STK35: variants seen among roughly 807,000 people sequenced by gnomAD.
The protein encoded by STK35 is serine/threonine-protein kinase 35.
STK35 carries 17 observed loss-of-function variants against 37.3 expected under a neutral mutation model. The ratio of observed to expected loss-of-function variants is 0.46; its 90% CI spans 0.31 to 0.68. The LOEUF is 0.68. Ranked by LOEUF, STK35 falls within the 30% of genes least tolerant of loss-of-function variation. The pLI is 0.05. For synonymous variants in STK35, 385 were observed against 319.1 expected (o/e 1.21, Z -2.20); for missense variants, 595 against 746.7 (o/e 0.80, Z 2.37).
intron 3 of STK35, among the ~76,000 whole-genome samples, chr20:2,142,996 C>G (rs1986196352): frequency 1.3e-5 from 2 of 152,182 alleles, no homozygotes; most frequent in Non-Finnish European, 2.9e-5. Flanking sequence ...AAATAATAGC[C>G]AACACTAATA....
intron 3 of STK35, among the ~76,000 whole-genome samples, chr20:2,118,507 G>A (rs557160842): frequency 5.9e-5 from 9 of 152,208 alleles, no homozygotes; most frequent in South Asian, 2.1e-4. Flanking sequence ...GTGTGAACCC[G>A]GGAGGCGGAG....
At chr20:2,105,592 G>A (rs1985499084) in intron 2 of STK35, among the ~76,000 whole-genome samples, 1 of 152,146 alleles carries the variant, frequency 6.6e-6, no homozygotes, top group Non-Finnish European at 1.5e-5. Context: ...AACCCTGTGA[G>A]GAGCATTCCT....
At position 2,144,688 on chromosome 20, in the gene STK35, CCTAA is replaced by C. The variant is rs1310563762; in HGVS notation, c.*945_*948del. 6.5e-6 allele frequency: 1 copy of C among 153,010 alleles called. No individual in the cohort carries two copies. The highest frequency in any genetic ancestry group is 1.5e-5 in the Non-Finnish European group (1 of 68,108). 9.5% of individuals were successfully genotyped at this position (153,010 alleles called of 1,614,324 possible). On this transcript the variant is annotated 3_prime_UTR_variant, in exon 4 of 4. Coordinates refer to ENST00000381482, the MANE Select transcript of STK35 (RefSeq NM_080836.4). ...ACTGCCGTGAGGTCAGCGCTTCTCACCTAACTGCCTCCTGGATTGTCATCTTCCC... is the reference window on the plus strand; with the variant it reads ...ACTGCCGTGAGGTCAGCGCTTCTCACCTGCCTCCTGGATTGTCATCTTCCC...
At chr20:2,115,239 A>G (rs886107375) in intron 2 of STK35, among the ~76,000 whole-genome samples, 4 of 152,198 alleles carry the variant, frequency 2.6e-5, no homozygotes, top group African/African-American at 7.2e-5. Flanking sequence ...CTCTCAGACC[A>G]TTGGCTTTAG....
chr20:2,128,167 C>G (rs1030752371), intron 3 of STK35, among the ~76,000 whole-genome samples: 6 of 152,192 alleles, frequency 3.9e-5, no homozygotes, highest in African/African-American at 1.4e-4. Context: ...ATTGTATCAG[C>G]TCTCCAGGTG....
chr20:2,101,881 G>T lies in STK35; in HGVS notation c.-1G>T, dbSNP rs1450037145. ...GGCTCACTCGGCTGGCGTCCCGGGG[G>T]ATGGGCCACCAGGAGTCTCCGCTGG... On this transcript the variant is annotated 5_prime_UTR_variant, in exon 1 of 4. Coordinates refer to ENST00000381482, the MANE Select transcript of STK35 (RefSeq NM_080836.4). 3 of 1,420,044 alleles carry T rather than the reference G, an allele frequency of 2.1e-6. No individual in the cohort carries two copies. The highest frequency in any genetic ancestry group is 1.4e-5 in the South Asian group (1 of 70,214). The allele number at this position is 1,420,044 out of a possible 1,614,324, so 88.0% of individuals were successfully genotyped here.
At chr20:2,118,576 C>T (rs759436666) in intron 3 of STK35, among the ~76,000 whole-genome samples, 4 of 138,046 alleles carry the variant, frequency 2.9e-5, no homozygotes, top group South Asian at 2.8e-4. Context: ...AGCGAGACTC[C>T]GTCTCAAAAA....
At chr20:2,102,717 C>G (rs993892256) in intron 1 of STK35, 51 bp from the exon 2 acceptor site, 18 of 1,356,782 alleles carry the variant, frequency 1.3e-5, no homozygotes, top group Non-Finnish European at 1.4e-5. Context: ...GGCCTACGCT[C>G]CTGGCCTCCC....
At chr20:2,122,268 G>A (rs566772752) in intron 3 of STK35, among the ~76,000 whole-genome samples, 4 of 152,234 alleles carry the variant, frequency 2.6e-5, no homozygotes, top group African/African-American at 7.2e-5. Context: ...GGAGGCAGAG[G>A]TTGCAGTGAG....
chr20:2,126,308 T>G (rs73577273), intron 3 of STK35, among the ~76,000 whole-genome samples: 1,621 of 152,268 alleles, frequency 0.011, 25 homozygotes, highest in African/African-American at 0.035. Context: ...AGATGAGATA[T>G]GGACACTTGG....
At position 2,143,993 on chromosome 20, in the gene STK35, A is replaced by G; in HGVS notation, c.*247A>G. The G allele has an allele frequency of 5.0e-6, 2 of 401,212 alleles. No individual in the cohort carries two copies. Among genetic ancestry groups the G allele is most frequent in the South Asian group, 1.8e-5 (1 of 54,638 alleles). 24.9% of individuals were successfully genotyped at this position (401,212 alleles called of 1,614,324 possible). A position where few individuals can be genotyped will look rare whatever the true frequency, so the allele number is the denominator to read the frequency against. Reference sequence around the variant, plus strand: ...TTTCCTCTTTCCTTTTTTTAAATTTAAACCATTGAGACTTCAGAAGAGCAG... The same window carrying G: ...TTTCCTCTTTCCTTTTTTTAAATTTGAACCATTGAGACTTCAGAAGAGCAG... On this transcript the variant is annotated 3_prime_UTR_variant, in exon 4 of 4. Transcript: ENST00000381482.
At chr20:2,132,291 G>A (rs1986013892) in intron 3 of STK35, among the ~76,000 whole-genome samples, 1 of 152,264 alleles carries the variant, frequency 6.6e-6, no homozygotes, top group Admixed American at 6.5e-5. Context: ...TGATGGCAAA[G>A]TAGAGGACAC....
rs765212171 is a variant in STK35 at position 2,102,858 on chromosome 20, C to T, written c.385C>T (p.Pro129Ser). Reference protein sequence around the residue: ...GARAAPLLLPPPPAAMETGKD... With the variant: ...GARAAPLLLPSPPAAMETGKD... Reference sequence around the variant, plus strand: ...CCGGGCAGCGCCGTTGCTGCTCCCCCCGCCGCCCGCAGCCATGGAAACGGG... The same window carrying T: ...CCGGGCAGCGCCGTTGCTGCTCCCCTCGCCGCCCGCAGCCATGGAAACGGG... The change falls in exon 2 of 4, where the codon CCG (proline) becomes TCG (serine). Residue 129 changes from proline to serine, a missense_variant. By Grantham distance (74) the Pro-to-Ser change is moderately conservative (BLOSUM62 -1). Around this residue, in one of 3 missense-constraint regions of STK35, gnomAD observed 389 missense variants for 320.0 expected, o/e 1.22. Coordinates refer to ENST00000381482, the MANE Select transcript of STK35 (RefSeq NM_080836.4). 3.2e-6 allele frequency: 5 copies of T among 1,554,218 alleles called. No individual in the cohort carries two copies. The highest frequency in any genetic ancestry group is 1.2e-5 in the South Asian group (1 of 85,572).
intron 3 of STK35, among the ~76,000 whole-genome samples, chr20:2,135,736 G>C (rs576231678): frequency 6.6e-6 from 1 of 152,150 alleles, no homozygotes; most frequent in East Asian, 1.9e-4. Context: ...GGTGGTGCGC[G>C]CCTGTCTTCC....
chr20:2,111,427 G>A (rs576280360), intron 2 of STK35, among the ~76,000 whole-genome samples: 1 of 152,290 alleles, frequency 6.6e-6, no homozygotes, highest in East Asian at 1.9e-4. Context: ...AGGCGTGGTG[G>A]CTCATGCCTA....
At chr20:2,139,543 GCCCTGAGTTAAA>G (rs1986139499) in intron 3 of STK35, among the ~76,000 whole-genome samples, 1 of 152,202 alleles carries the variant, frequency 6.6e-6, no homozygotes, top group African/African-American at 2.4e-5. Flanking sequence ...GAGTGAGACT[GCCCTGAGTTAAA>G]CCCTTTTCTC....
chr20:2,141,012 G>C (rs74791792), intron 3 of STK35, among the ~76,000 whole-genome samples: 6,620 of 152,318 alleles, frequency 0.043, 375 homozygotes, highest in African/African-American at 0.13. Flanking sequence ...ATGCTGGAAA[G>C]TCATAACTGG....
chr20:2,119,655 AC>A (rs1030549144), intron 3 of STK35, among the ~76,000 whole-genome samples: 2 of 152,124 alleles, frequency 1.3e-5, no homozygotes, highest in African/African-American at 4.8e-5. Context: ...AGCATCCCCC[AC>A]CCCCTTTTCC....
chr20:2,125,504 AT>A (rs1208452559), intron 3 of STK35, among the ~76,000 whole-genome samples: 4 of 152,224 alleles, frequency 2.6e-5, no homozygotes, highest in Non-Finnish European at 5.9e-5. Context: ...TCCGTTCTGC[AT>A]TCTACAGCCT....
Sources: allele counts gnomAD v4.1 joint callset (sites outside exome capture counted in the v4.1 genomes callset), GRCh38; gene constraint gnomAD v4.1.1; regional missense constraint gnomAD v4.1.1; transcripts MANE v1.5; gene names NCBI Gene and HGNC (gene_info 2026-07-23, HGNC 2026-07-21).